Variants in ZNF804A observed in about 807,000 individuals in gnomAD.
ZNF804A encodes zinc finger protein 804A.
A neutral mutation model predicts 16.5 loss-of-function variants in ZNF804A; 2 were observed. That is an observed-to-expected ratio of 0.12 (90% CI 0.05 to 0.38). ZNF804A has a LOEUF of 0.38. Ranked by LOEUF, ZNF804A falls within the 10% of genes least tolerant of loss-of-function variation. The pLI is 0.99. For synonymous variants in ZNF804A, 534 were observed against 489.6 expected (o/e 1.09, Z -1.20); for missense variants, 1,473 against 1,390.7 (o/e 1.06, Z -0.94).
intron 1 of ZNF804A, among the ~76,000 whole-genome samples, chr2:184,858,297 A>G (rs1695737265): frequency 6.6e-6 from 1 of 151,936 alleles, no homozygotes; most frequent in Non-Finnish European, 1.5e-5. Context: ...TGAGGTCTGG[A>G]GTTCAAGACC....
At chr2:184,733,465 AT>A (rs1693553603) in intron 1 of ZNF804A, among the ~76,000 whole-genome samples, 1 of 152,082 alleles carries the variant, frequency 6.6e-6, no homozygotes, top group South Asian at 2.1e-4. Flanking sequence ...ATTTCTGTCC[AT>A]GATAGTTCTT....
At chr2:184,860,197 T>C (rs757994328) in intron 1 of ZNF804A, among the ~76,000 whole-genome samples, 1 of 152,210 alleles carries the variant, frequency 6.6e-6, no homozygotes, top group Non-Finnish European at 1.5e-5. Context: ...GTAATCTTTA[T>C]CTGCTGATGC....
chr2:184,719,377 G>A (rs1021810007), intron 1 of ZNF804A, among the ~76,000 whole-genome samples: 1 of 151,996 alleles, frequency 6.6e-6, no homozygotes, highest in African/African-American at 2.4e-5. Flanking sequence ...CCATTGTCTT[G>A]GGGATTAACA....
intron 1 of ZNF804A, among the ~76,000 whole-genome samples, chr2:184,772,957 A>ATG (rs1404316643): frequency 2.1e-5 from 3 of 144,256 alleles, no homozygotes; most frequent in African/African-American, 7.8e-5. Flanking sequence ...ACATATATAC[A>ATG]TATACATATA....
intron 1 of ZNF804A, among the ~76,000 whole-genome samples, chr2:184,784,328 T>C (rs1293620180): frequency 6.6e-6 from 1 of 151,950 alleles, no homozygotes; most frequent in Non-Finnish European, 1.5e-5. Context: ...TATTTATCTA[T>C]CTATTAATAC....
chr2:184,888,037 G>A (rs1684924146), intron 2 of ZNF804A, among the ~76,000 whole-genome samples: 1 of 151,898 alleles, frequency 6.6e-6, no homozygotes, highest in African/African-American at 2.4e-5. Flanking sequence ...CTTATTACCT[G>A]GGTTACAAAA....
Position 184,939,247 on chromosome 2 carries a change from T to G in ZNF804A, c.*221T>G. The G allele has an allele frequency of 2.0e-6, 1 of 507,668 alleles. No individual in the cohort carries two copies. Among genetic ancestry groups the G allele is most frequent in the Non-Finnish European group, 3.5e-6 (1 of 289,178 alleles). The allele number at this position is 507,668 out of a possible 1,614,324, so 31.4% of individuals were successfully genotyped here. ...AAGCACTGAATAGTTTGAAAATCAA[T>G]ACAATATATGCTATATATTAAAATG... On this transcript the variant is annotated 3_prime_UTR_variant, in exon 4 of 4. Coordinates refer to ENST00000302277, the MANE Select transcript of ZNF804A (RefSeq NM_194250.2).
At chr2:184,730,871 T>C (rs1210950915) in intron 1 of ZNF804A, among the ~76,000 whole-genome samples, 1 of 150,488 alleles carries the variant, frequency 6.6e-6, no homozygotes, top group Non-Finnish European at 1.5e-5. Flanking sequence ...TGGACATAAG[T>C]TTTGAACTTC....
intron 2 of ZNF804A, among the ~76,000 whole-genome samples, chr2:184,931,395 G>A (rs1685699194): frequency 6.6e-6 from 1 of 152,242 alleles, no homozygotes; most frequent in Non-Finnish European, 1.5e-5. Flanking sequence ...TCTAGGCAGA[G>A]GTTCCCAAAC....
At chr2:184,818,981 G>A (rs993235650) in intron 1 of ZNF804A, among the ~76,000 whole-genome samples, 6 of 151,932 alleles carry the variant, frequency 3.9e-5, no homozygotes, top group Admixed American at 3.3e-4. Flanking sequence ...ACACCCCACT[G>A]ACAATAATAG....
At chr2:184,712,089 T>C (rs1693137892) in intron 1 of ZNF804A, among the ~76,000 whole-genome samples, 1 of 151,792 alleles carries the variant, frequency 6.6e-6, no homozygotes, top group African/African-American at 2.4e-5. Flanking sequence ...AGTCATCCAG[T>C]CCACAAACAT....
At chr2:184,681,774 G>C (rs1692544672) in intron 1 of ZNF804A, among the ~76,000 whole-genome samples, 1 of 152,150 alleles carries the variant, frequency 6.6e-6, no homozygotes, top group African/African-American at 2.4e-5. Context: ...GAATTAAAGG[G>C]GCAGGAGCCC....
chr2:184,840,452 T>C (rs1695419360), intron 1 of ZNF804A, among the ~76,000 whole-genome samples: 1 of 152,088 alleles, frequency 6.6e-6, no homozygotes, highest in Non-Finnish European at 1.5e-5. Flanking sequence ...CAAAAATCAG[T>C]TTAAAATCAA....
intron 1 of ZNF804A, among the ~76,000 whole-genome samples, chr2:184,657,999 TG>T (rs1203287082): frequency 6.6e-6 from 1 of 152,244 alleles, no homozygotes; most frequent in African/African-American, 2.4e-5. Context: ...TGTTCATTAG[TG>T]TTGGATAAAT....
intron 2 of ZNF804A, among the ~76,000 whole-genome samples, chr2:184,895,033 A>G (rs550748089): frequency 1.3e-5 from 2 of 152,290 alleles, no homozygotes; most frequent in South Asian, 2.1e-4. Context: ...TTTGCCTTCA[A>G]ATGAAGTACT....
chr2:184,822,399 G>C (rs1482974655), intron 1 of ZNF804A, among the ~76,000 whole-genome samples: 2 of 152,052 alleles, frequency 1.3e-5, no homozygotes, highest in Non-Finnish European at 2.9e-5. Context: ...ACACACACTG[G>C]GGCCTGGCAG....
intron 1 of ZNF804A, among the ~76,000 whole-genome samples, chr2:184,842,644 A>C (rs1471958096): frequency 6.6e-6 from 1 of 152,112 alleles, no homozygotes; most frequent in East Asian, 1.9e-4. Flanking sequence ...TATGTTTAAA[A>C]TACATAACAA....
At chr2:184,816,582 T>C (rs1488163470) in intron 1 of ZNF804A, among the ~76,000 whole-genome samples, 1 of 152,040 alleles carries the variant, frequency 6.6e-6, no homozygotes, top group Non-Finnish European at 1.5e-5. Flanking sequence ...TCTTTAGAAT[T>C]TGATCTTTAG....
At chr2:184,698,710 A>G (rs954307345) in intron 1 of ZNF804A, among the ~76,000 whole-genome samples, 1 of 152,048 alleles carries the variant, frequency 6.6e-6, no homozygotes, top group African/African-American at 2.4e-5. Flanking sequence ...GTAGACCCAA[A>G]TTCTCTGTAA....
Sources: allele counts gnomAD v4.1 joint callset (sites outside exome capture counted in the v4.1 genomes callset), GRCh38; gene constraint gnomAD v4.1.1; transcripts MANE v1.5; gene names NCBI Gene and HGNC (gene_info 2026-07-23, HGNC 2026-07-21).